Variants in HECW1 observed in about 807,000 individuals in gnomAD.
The protein encoded by HECW1 is E3 ubiquitin-protein ligase HECW1.
A neutral mutation model predicts 182.3 loss-of-function variants in HECW1; 61 were observed. That is an observed-to-expected ratio of 0.33 (90% confidence interval 0.27 to 0.41). The LOEUF is 0.41. Among genes scored for constraint, HECW1 ranks in the 10% least tolerant of loss-of-function variants. The probability of loss-of-function intolerance (pLI) is 1.00; values close to 1 mark genes in which losing one functional copy is unlikely to be tolerated. For synonymous variants in HECW1, 859 were observed against 832.6 expected (o/e 1.03, Z -0.55); for missense variants, 1,739 against 2,108.9 (o/e 0.82, Z 3.44).
intron 19 of HECW1, among the ~76,000 whole-genome samples, chr7:43,497,073 G>C (rs2079148341): frequency 6.6e-6 from 1 of 152,162 alleles, no homozygotes; most frequent in African/African-American, 2.4e-5. Flanking sequence ...AACATGATTA[G>C]AATTCAGCAA....
chr7:43,127,840 G>C (rs1294740596), intron 2 of HECW1, among the ~76,000 whole-genome samples: 1 of 151,650 alleles, frequency 6.6e-6, no homozygotes, highest in Non-Finnish European at 1.5e-5. Context: ...GAAGATCCAG[G>C]TAAGATCATT....
intron 5 of HECW1, among the ~76,000 whole-genome samples, chr7:43,340,409 C>T (rs1054056985): frequency 1.3e-5 from 2 of 150,898 alleles, no homozygotes; most frequent in Non-Finnish European, 2.9e-5. Context: ...TTAGTAGAGA[C>T]GGGGGTTCAC....
chr7:43,486,001 C>A (rs988659211), intron 17 of HECW1, among the ~76,000 whole-genome samples: 3 of 152,126 alleles, frequency 2.0e-5, no homozygotes, highest in Admixed American at 2.0e-4. Context: ...AATGCTCTTC[C>A]TCCCCCAGCC....
intron 6 of HECW1, among the ~76,000 whole-genome samples, chr7:43,389,169 T>A (rs1021319119): frequency 6.6e-6 from 1 of 152,206 alleles, no homozygotes; most frequent in Non-Finnish European, 1.5e-5. Context: ...AGAGACAACT[T>A]TAAGATGTCT....
At chr7:43,429,011 A>G (rs1046749573) in intron 8 of HECW1, among the ~76,000 whole-genome samples, 8 of 150,754 alleles carry the variant, frequency 5.3e-5, no homozygotes, top group African/African-American at 1.9e-4. Flanking sequence ...ATACAAATAT[A>G]TAATATACAA....
intron 2 of HECW1, among the ~76,000 whole-genome samples, chr7:43,168,141 T>C (rs74366553): frequency 0.022 from 3,287 of 152,322 alleles, 141 homozygotes; most frequent in African/African-American, 0.075. Context: ...GGACTGGACA[T>C]GTTTCACTTT....
At chr7:43,441,433 A>T (rs1340237666) in intron 9 of HECW1, among the ~76,000 whole-genome samples, 2 of 152,216 alleles carry the variant, frequency 1.3e-5, no homozygotes, top group Non-Finnish European at 2.9e-5. Flanking sequence ...CCTTTCTTAG[A>T]CATTACATAT....
At chr7:43,337,951 A>G (rs1812510384) in intron 5 of HECW1, among the ~76,000 whole-genome samples, 1 of 152,218 alleles carries the variant, frequency 6.6e-6, no homozygotes, top group African/African-American at 2.4e-5. Flanking sequence ...TACCAATTGA[A>G]TATGCACCAT....
At chr7:43,333,614 A>G (rs1811765702) in intron 5 of HECW1, among the ~76,000 whole-genome samples, 1 of 152,214 alleles carries the variant, frequency 6.6e-6, no homozygotes, top group Non-Finnish European at 1.5e-5. Flanking sequence ...ATTCAATTAT[A>G]TAATGAATGA....
At chr7:43,470,007 G>A (rs1388028768) in intron 16 of HECW1, among the ~76,000 whole-genome samples, 1 of 152,188 alleles carries the variant, frequency 6.6e-6, no homozygotes, top group Admixed American at 6.5e-5. Flanking sequence ...ACTCTCTGGA[G>A]TGTATGGGGA....
intron 8 of HECW1, among the ~76,000 whole-genome samples, chr7:43,420,330 T>C (rs2076139294): frequency 6.6e-6 from 1 of 152,156 alleles, no homozygotes; most frequent in Non-Finnish European, 1.5e-5. Context: ...CTTAATATAT[T>C]AATAATAATA....
At chr7:43,136,919 C>T (rs1012417371) in intron 2 of HECW1, among the ~76,000 whole-genome samples, 1 of 152,172 alleles carries the variant, frequency 6.6e-6, no homozygotes, top group East Asian at 1.9e-4. Flanking sequence ...GCTGAGAAAC[C>T]CTTTATTATC....
At chr7:43,268,250 G>A (rs1802004931) in intron 3 of HECW1, among the ~76,000 whole-genome samples, 1 of 152,228 alleles carries the variant, frequency 6.6e-6, no homozygotes, top group Admixed American at 6.5e-5. Context: ...ATAAGCCAAT[G>A]AGATAAATCC....
intron 11 of HECW1, among the ~76,000 whole-genome samples, chr7:43,448,688 C>T (rs908684206): frequency 6.6e-6 from 1 of 152,182 alleles, no homozygotes; most frequent in Non-Finnish European, 1.5e-5. Flanking sequence ...ATTTCCTGTA[C>T]TTTATAATTC....
At chr7:43,320,594 G>T in intron 4 of HECW1, 41 bp from the exon 5 acceptor site, 1 of 1,335,526 alleles carries the variant, frequency 7.5e-7, no homozygotes, top group Non-Finnish European at 1.1e-6. Flanking sequence ...GCTGTTGACT[G>T]ATATGTTTCT....
At chr7:43,403,338 T>C (rs2075490804) in intron 7 of HECW1, among the ~76,000 whole-genome samples, 1 of 152,150 alleles carries the variant, frequency 6.6e-6, no homozygotes, top group African/African-American at 2.4e-5. Context: ...GAAAAGGACT[T>C]TGAGTCTTCA....
At position 43,243,517 on chromosome 7, in the gene HECW1, G is replaced by A. The variant is rs1038599571; in HGVS notation, c.-31-358G>A. On this transcript the variant is annotated intron_variant, in intron 2 of 29. Transcript: ENST00000395891. The surrounding 1 kb of genome is among the most constrained non-coding windows in gnomAD (Gnocchi z 4.0). Reference sequence around the variant, plus strand: ...TGGATCATATGTGAGGATGCTTTTCGCTGGCCTTCTCAGACGGCTGGGAGA... The same window carrying A: ...TGGATCATATGTGAGGATGCTTTTCACTGGCCTTCTCAGACGGCTGGGAGA... Among the ~76,000 whole-genome samples, 4 of 151,880 alleles carry A rather than the reference G, an allele frequency of 2.6e-5. No individual in the cohort carries two copies. Among genetic ancestry groups the A allele is most frequent in the Non-Finnish European group, 4.4e-5 (3 of 68,006 alleles).
At chr7:43,212,213 A>G (rs1339824047) in intron 2 of HECW1, among the ~76,000 whole-genome samples, 1 of 152,234 alleles carries the variant, frequency 6.6e-6, no homozygotes, top group Non-Finnish European at 1.5e-5. Flanking sequence ...AATGAAATGC[A>G]TGAATAAAAC....
At chr7:43,394,927 G>A (rs2075174987) in intron 6 of HECW1, among the ~76,000 whole-genome samples, 1 of 152,146 alleles carries the variant, frequency 6.6e-6, no homozygotes, top group Non-Finnish European at 1.5e-5. Context: ...TGGAGGGGGT[G>A]GAAGCTAGTG....
Sources: allele counts gnomAD v4.1 joint callset (sites outside exome capture counted in the v4.1 genomes callset), GRCh38; gene constraint gnomAD v4.1.1; non-coding constraint Gnocchi (gnomAD v3.1); transcripts MANE v1.5; gene names NCBI Gene and HGNC (gene_info 2026-07-23, HGNC 2026-07-21).